UBAP1: variants seen among roughly 807,000 people sequenced by gnomAD.
The protein encoded by UBAP1 is ubiquitin associated protein 1, also known as ubiquitin-associated protein 1.
A neutral mutation model predicts 39.0 loss-of-function variants in UBAP1; 5 were observed. The ratio of observed to expected loss-of-function variants is 0.13; its 90% CI spans 0.07 to 0.27. The LOEUF (loss-of-function observed/expected upper bound fraction) is 0.27. Ranked by LOEUF, UBAP1 falls within the 10% of genes least tolerant of loss-of-function variation. UBAP1 has a pLI of 1.00. For missense variants in UBAP1, 490 were observed against 608.1 expected, an observed-to-expected ratio of 0.81 and a Z score of 2.04; for synonymous variants, 211 against 225.1, an observed-to-expected ratio of 0.94 and a Z score of 0.56.
At chr9:34,194,122 A>G (rs1830887633) in intron 1 of UBAP1, among the ~76,000 whole-genome samples, 1 of 152,304 alleles carries the variant, frequency 6.6e-6, no homozygotes, top group South Asian at 2.1e-4. Flanking sequence ...ACTGATGTAT[A>G]CAATTAGAAT....
chr9:34,239,069 G>A (rs1481952110), intron 3 of UBAP1, among the ~76,000 whole-genome samples: 2 of 152,194 alleles, frequency 1.3e-5, no homozygotes, highest in Non-Finnish European at 2.9e-5. Flanking sequence ...TTTTGAGATG[G>A]AGTCTTGCTC....
chr9:34,182,311 A>G (rs1253709782), intron 1 of UBAP1, among the ~76,000 whole-genome samples: 1 of 151,138 alleles, frequency 6.6e-6, no homozygotes, highest in Non-Finnish European at 1.5e-5. Context: ...CAGCCTCCCA[A>G]GTAGCTGGGA....
Position 34,241,351 on chromosome 9 carries a change from G to A in UBAP1, c.326G>A (p.Ser109Asn). The change falls in exon 4 of 7, where the codon AGT becomes AAT. Residue 109 changes from serine (S) to asparagine (N), a missense_variant. By Grantham distance (46) the Ser-to-Asn change is conservative (BLOSUM62 1). Around this residue, in one of 3 missense-constraint regions of UBAP1, gnomAD observed 144 missense variants for 184.4 expected, o/e 0.78. Transcript: ENST00000297661. ...DSKMSFSKTHSTATMPPPINP... is the reference protein window; with the variant it reads ...DSKMSFSKTHNTATMPPPINP... ...AAAATGAGCTTCTCCAAGACTCACA[G>A]TACAGCCACAATGCCACCTCCTATT... is the stretch of plus-strand genomic sequence containing the variant. 1 of 1,539,494 alleles carries A rather than the reference G, an allele frequency of 6.5e-7. No homozygotes were observed.
At position 34,241,622 on chromosome 9, in the gene UBAP1, C is replaced by T. The variant is rs1255287542; in HGVS notation, c.597C>T (p.Asn199=). 2 of 1,614,092 alleles carry T rather than the reference C, an allele frequency of 1.2e-6. No homozygotes were observed. The highest frequency in any genetic ancestry group is 1.1e-5 in the South Asian group (1 of 91,082). ...GPIMAQLLDN[N]LPRGGSGSVL... The stretch of plus-strand genomic sequence containing the variant: ...TTATGGCTCAGTTATTGGACAATAA[C>T]TTGCCCAGGGGAGGCTCTGGGTCTG... Residue 199 remains asparagine, a synonymous_variant, in exon 4 of 7, where the codon AAC becomes AAT. Transcript: ENST00000297661.
intron 1 of UBAP1, among the ~76,000 whole-genome samples, chr9:34,207,048 C>CTTTTTTTTTTT (rs34197502): frequency 5.6e-5 from 5 of 90,056 alleles, no homozygotes; most frequent in Admixed American, 1.7e-4. Flanking sequence ...ATTGTTATTT[C>CTTTTTTTTTTT]TTTTTTTTTT....
At chr9:34,186,894 GTTTTT>G (rs1233948421) in intron 1 of UBAP1, among the ~76,000 whole-genome samples, 1 of 150,826 alleles carries the variant, frequency 6.6e-6, no homozygotes, top group Admixed American at 6.6e-5. Context: ...TGTGTTTTGT[GTTTTT>G]TTTTATTTTT....
intron 1 of UBAP1, among the ~76,000 whole-genome samples, chr9:34,184,602 G>T (rs558490514): frequency 2.0e-4 from 27 of 138,198 alleles, no homozygotes; most frequent in African/African-American, 7.1e-4. Flanking sequence ...CTGCACTCCA[G>T]CCTGGGCAAT....
At chr9:34,215,925 C>A (rs1393668880) in intron 1 of UBAP1, among the ~76,000 whole-genome samples, 1 of 151,726 alleles carries the variant, frequency 6.6e-6, no homozygotes, top group Non-Finnish European at 1.5e-5. Context: ...TTCTCATATT[C>A]TTAAGGACTG....
Position 34,241,342 on chromosome 9 carries a change from A to G in UBAP1, c.317A>G (p.Lys106Arg), listed in dbSNP as rs565437647. ...GGCGATAGCAAAATGAGCTTCTCCA[A>G]GACTCACAGTACAGCCACAATGCCA... Reference protein sequence around the residue: ...PEGDSKMSFSKTHSTATMPPP... With the variant: ...PEGDSKMSFSRTHSTATMPPP... The change falls in exon 4 of 7, where the codon AAG becomes AGG. Residue 106 changes from lysine to arginine, a missense_variant. Coordinates refer to ENST00000297661, the MANE Select transcript of UBAP1 (RefSeq NM_016525.5). The G allele has an allele frequency of 5.9e-6, 9 of 1,524,148 alleles. No individual in the cohort carries two copies. The African/African-American group carries it at 9.7e-5, about 16-fold the overall frequency. 94.4% of individuals were successfully genotyped at this position (1,524,148 alleles called of 1,614,324 possible).
chr9:34,222,275 C>T (rs896208108), intron 2 of UBAP1, among the ~76,000 whole-genome samples: 51 of 152,126 alleles, frequency 3.4e-4, no homozygotes, highest in Non-Finnish European at 7.2e-4. Context: ...TGTGATTTTA[C>T]TTGCTTATAT....
chr9:34,217,042 C>T (rs1177849869), intron 1 of UBAP1, among the ~76,000 whole-genome samples: 2 of 152,108 alleles, frequency 1.3e-5, no homozygotes, highest in East Asian at 1.9e-4. Flanking sequence ...CTCCCCACCT[C>T]TCCGGCCTCT....
At chr9:34,190,882 A>G (rs1225040605) in intron 1 of UBAP1, among the ~76,000 whole-genome samples, 1 of 148,884 alleles carries the variant, frequency 6.7e-6, no homozygotes, top group Non-Finnish European at 1.5e-5. Context: ...TCCTAAGTTC[A>G]GGTGATCCAC....
At chr9:34,217,583 C>T (rs1234246140) in intron 1 of UBAP1, among the ~76,000 whole-genome samples, 3 of 150,338 alleles carry the variant, frequency 2.0e-5, no homozygotes, top group African/African-American at 4.9e-5. Context: ...GTTTTTTCAA[C>T]TTTTATTTTG....
At chr9:34,251,088 T>C (rs1226625613) in intron 6 of UBAP1, among the ~76,000 whole-genome samples, 1 of 152,124 alleles carries the variant, frequency 6.6e-6, no homozygotes, top group African/African-American at 2.4e-5. Flanking sequence ...CATTTCTGGG[T>C]TCAGTATCCT....
chr9:34,202,764 T>C (rs1350844006), intron 1 of UBAP1, among the ~76,000 whole-genome samples: 1 of 151,718 alleles, frequency 6.6e-6, no homozygotes, highest in East Asian at 1.9e-4. Flanking sequence ...CTCTGCCCAG[T>C]TATTTTAGAG....
In UBAP1 at chr9:34,182,345, C is replaced by T. The variant is rs186326921; in HGVS notation, c.-8+3105C>T. Among the ~76,000 whole-genome samples the T allele has an allele frequency of 1.1e-4, 17 of 151,362 alleles. No individual in the cohort carries two copies. In the East Asian group the frequency reaches 2.0e-3, roughly 18 times the overall value. ...GATTACAGGCACCCACCACCACACC[C>T]GGCTAATTTTTATAGTTTTAGTAGC... is the stretch of plus-strand genomic sequence containing the variant. On this transcript the variant is annotated intron_variant, in intron 1 of 6. Transcript: ENST00000297661.
intron 1 of UBAP1, chr9:34,212,099 G>T: frequency 3.5e-6 from 1 of 283,920 alleles, no homozygotes; most frequent in South Asian, 3.0e-5. Context: ...TTTAATAGAA[G>T]CATATACTTA....
At chr9:34,213,873 A>G (rs1369449366) in intron 1 of UBAP1, among the ~76,000 whole-genome samples, 1 of 151,922 alleles carries the variant, frequency 6.6e-6, no homozygotes, top group Non-Finnish European at 1.5e-5. Flanking sequence ...TCTATACACC[A>G]ACAGTGACCA....
At chr9:34,208,686 G>A (rs1831850047) in intron 1 of UBAP1, among the ~76,000 whole-genome samples, 1 of 151,444 alleles carries the variant, frequency 6.6e-6, no homozygotes, top group Non-Finnish European at 1.5e-5. Context: ...GCTGAGGCAG[G>A]TCAATGGCGT....
Sources: gnomAD v4.1 joint callset for allele counts (sites outside exome capture counted in the v4.1 genomes callset) on GRCh38, gnomAD v4.1.1 for gene constraint, gnomAD v4.1.1 regional missense constraint, MANE v1.5 for transcripts, NCBI Gene and HGNC (gene_info 2026-07-23, HGNC 2026-07-21) for gene names.